Variants in CARD14 observed in about 807,000 individuals in gnomAD.
CARD14 encodes caspase recruitment domain-containing protein 14.
A neutral mutation model predicts 111.5 loss-of-function variants in CARD14; 107 were observed. That is an observed-to-expected ratio of 0.96 (90% CI 0.82 to 1.13). The LOEUF is 1.13. Among genes scored for constraint, CARD14 ranks in the 50% most tolerant of loss-of-function variants. The pLI is 0.00. For missense variants in CARD14, 1,322 were observed against 1,362.3 expected (o/e 0.97, Z 0.47); for synonymous variants, 617 against 579.6 (o/e 1.06, Z -0.93).
chr17:80,183,007 C>T (rs905826175), intron 6 of CARD14, among the ~76,000 whole-genome samples: 9 of 152,170 alleles, frequency 5.9e-5, no homozygotes, highest in African/African-American at 2.2e-4. Context: ...TCTGAAGGGT[C>T]GGTCCTTAGT....
rs530156168 is a variant in CARD14 at position 80,207,047 on chromosome 17, C to T, written c.2769C>T (p.Ile923=). 14 of 1,614,046 alleles carry T rather than the reference C, an allele frequency of 8.7e-6. No individual in the cohort carries two copies. Among genetic ancestry groups the T allele is most frequent in the Middle Eastern group, 1.7e-4 (1 of 6,060 alleles). ...GGATGGACATCTTCCCCATCGTCAT[C>T]CACGTCTCTGTCAACGAGAAGATGG... ...LHRMDIFPIV[I]HVSVNEKMAK... is the part of the protein sequence containing the mutation. Residue 923 remains isoleucine, a synonymous_variant, in exon 23 of 24, where the codon ATC becomes ATT. Coordinates refer to ENST00000648509, the MANE Select transcript of CARD14 (RefSeq NM_001366385.1).
At chr17:80,178,906 T>A (rs750175798) in intron 3 of CARD14, among the ~76,000 whole-genome samples, 198 bp from the exon 4 acceptor site, 2 of 152,158 alleles carry the variant, frequency 1.3e-5, no homozygotes, top group Non-Finnish European at 2.9e-5. Flanking sequence ...TCACCATGAC[T>A]GGCTAATTTT....
intron 1 of CARD14, among the ~76,000 whole-genome samples, chr17:80,172,036 C>T (rs996460729): frequency 1.3e-5 from 2 of 152,262 alleles, no homozygotes; most frequent in African/African-American, 2.4e-5. Flanking sequence ...CCAGAACTCC[C>T]AGGGTTTCAG....
In CARD14 at chr17:80,203,781, G is replaced by C. The variant is rs371746872; in HGVS notation, c.2220-41G>C. The stretch of plus-strand genomic sequence containing the variant: ...GGCTCTCCCCTGCCCTGCTCACCTG[G>C]CAGGAGGCAGCTGGGTCAGGGCCTC... On this transcript the variant is annotated intron_variant, in intron 18 of 23. Transcript: ENST00000648509. The surrounding 1 kb of genome is among the most constrained non-coding windows in gnomAD (Gnocchi z 4.6). The C allele has an allele frequency of 9.9e-5, 151 of 1,526,284 alleles. 1 individual carries two copies. Among genetic ancestry groups the C allele is most frequent in the Admixed American group, 9.4e-4 (47 of 50,114 alleles). The allele number at this position is 1,526,284 out of a possible 1,614,324, so 94.5% of individuals were successfully genotyped here.
intron 16 of CARD14, among the ~76,000 whole-genome samples, chr17:80,199,386 G>A (rs991524154): frequency 1.3e-5 from 2 of 151,338 alleles, no homozygotes; most frequent in Admixed American, 6.6e-5. Flanking sequence ...GGGTGACTTT[G>A]ATGTGGCCTA....
chr17:80,204,929 T>TGG, intron 20 of CARD14, 106 bp from the exon 21 acceptor site: 1 of 932,658 alleles, frequency 1.1e-6, no homozygotes, highest in African/African-American at 1.7e-5. Flanking sequence ...TTCTAGGTGC[T>TGG]GGGGCTGCTG....
In CARD14 at chr17:80,181,597, CGAG is replaced by C; in HGVS notation, c.167_169del (p.Glu56del). 2 of 1,559,908 alleles carry C rather than the reference CGAG, an allele frequency of 1.3e-6. No homozygotes were observed. Among genetic ancestry groups the C allele is most frequent in the Non-Finnish European group, 1.7e-6 (2 of 1,152,162 alleles). The stretch of plus-strand genomic sequence containing the variant: ...AGGCCAAGGTGCTGTGCCAGCTGGA[CGAG>C]GAGGAGGTGCTGCACAGCCCCCGGC... On this transcript the variant is annotated inframe_deletion, in exon 5 of 24. Coordinates refer to ENST00000648509, the MANE Select transcript of CARD14 (RefSeq NM_001366385.1).
At position 80,207,053 on chromosome 17, in the gene CARD14, C is replaced by T. The variant is rs372790630; in HGVS notation, c.2775C>T (p.Val925=). 858 of 1,614,014 alleles carry T rather than the reference C, an allele frequency of 5.3e-4. 10 individuals carry two copies. The South Asian group carries it at 8.6e-3, about 16-fold the overall frequency. ...RMDIFPIVIH[V]SVNEKMAKKL... is the part of the protein sequence containing the mutation. ...ACATCTTCCCCATCGTCATCCACGT[C>T]TCTGTCAACGAGAAGATGGCAAAGA... Residue 925 remains valine (V), a synonymous_variant, in exon 23 of 24, where the codon GTC becomes GTT. Transcript: ENST00000648509.
chr17:80,194,914 G>A (rs1363431347), intron 12 of CARD14, among the ~76,000 whole-genome samples: 3 of 152,168 alleles, frequency 2.0e-5, no homozygotes, highest in African/African-American at 4.8e-5. Context: ...TGGGACAGCA[G>A]TGCCACCTTA....
At chr17:80,172,298 T>G (rs1471848716) in intron 1 of CARD14, among the ~76,000 whole-genome samples, 1 of 152,208 alleles carries the variant, frequency 6.6e-6, no homozygotes, top group Non-Finnish European at 1.5e-5. Flanking sequence ...CCTATTGAAG[T>G]AGATGTTTCG....
chr17:80,204,123 G>C, intron 19 of CARD14, 104 bp from the exon 20 acceptor site: 8 of 1,135,358 alleles, frequency 7.0e-6, no homozygotes, highest in Non-Finnish European at 1.0e-5. Flanking sequence ...CTGCGCCTCT[G>C]CATCACTCCC....
rs778217550 is a variant in CARD14, at chr17:80,201,916, C to T, written c.1978+46C>T. 8.9e-6 allele frequency: 14 copies of T among 1,567,640 alleles called. No homozygotes were observed. In the East Asian group the frequency reaches 3.1e-4, roughly 35 times the overall value. ...GTGTGCACAGCTGCCTGGCCAGACT[C>T]CATGACCCTTAAGTCCCTGGTGGTT... On this transcript the variant is annotated intron_variant, in intron 17 of 23. Coordinates refer to ENST00000648509, the MANE Select transcript of CARD14 (RefSeq NM_001366385.1). This position sits in a 1 kb window ranked among gnomAD's most constrained non-coding sequence, Gnocchi z 5.0.
chr17:80,197,648 C>A, intron 14 of CARD14: 1 of 192,788 alleles, frequency 5.2e-6, no homozygotes, highest in Non-Finnish European at 1.1e-5. Context: ...CAGGTCCATG[C>A]AGAAATACAG....
At chr17:80,184,963 T>C (rs2040296526) in intron 7 of CARD14, among the ~76,000 whole-genome samples, 1 of 152,240 alleles carries the variant, frequency 6.6e-6, no homozygotes, top group South Asian at 2.1e-4. Context: ...TTGGGGAGGA[T>C]GATCTGACTG....
At chr17:80,180,675 T>C (rs1417890495) in intron 4 of CARD14, among the ~76,000 whole-genome samples, 1 of 152,020 alleles carries the variant, frequency 6.6e-6, no homozygotes, top group Non-Finnish European at 1.5e-5. Context: ...GTCTTGCTTC[T>C]AATGAAAATT....
In CARD14 at chr17:80,181,644, G is replaced by T. The variant is rs369726105; in HGVS notation, c.206G>T (p.Arg69Leu). Residue 69 changes from arginine to leucine, a missense_variant, in exon 5 of 24, where the codon CGG becomes CTG. Coordinates refer to ENST00000648509, the MANE Select transcript of CARD14 (RefSeq NM_001366385.1). ...HSPRLTNSAM[R>L]AGHLLDLLKT... ...CCCCGGCTCACCAACAGCGCCATGC[G>T]GGCCGGTGAGCGCAGCTCCCTCTTC... 6.5e-7 allele frequency: 1 copy of T among 1,546,248 alleles called. No individual in the cohort carries two copies. The highest frequency in any genetic ancestry group is 8.7e-7 in the Non-Finnish European group (1 of 1,146,384).
Position 80,188,727 on chromosome 17 carries a change from A to C in CARD14, c.843+183A>C. The C allele has an allele frequency of 2.0e-6, 1 of 512,060 alleles. No homozygotes were observed. The highest frequency in any genetic ancestry group is 3.0e-6 in the Non-Finnish European group (1 of 329,416). The allele number at this position is 512,060 out of a possible 1,614,324, so 31.7% of individuals were successfully genotyped here. On this transcript the variant is annotated intron_variant, in intron 8 of 23. Transcript: ENST00000648509. This position sits in a 1 kb window ranked among gnomAD's most constrained non-coding sequence, Gnocchi z 4.5. ...TTCCTGCTGTTCCCCAGACCCCAAA[A>C]TTGGCAGAATTAAAAGCTGCTGGAA...
rs2040660963 is a variant in CARD14 at position 80,195,077 on chromosome 17, G to A, written c.1357-114G>A. 13 of 1,361,716 alleles carry A rather than the reference G, an allele frequency of 9.5e-6. No individual in the cohort carries two copies. The highest frequency in any genetic ancestry group is 1.3e-5 in the Non-Finnish European group (13 of 1,009,422). The allele number at this position is 1,361,716 out of a possible 1,614,324, so 84.4% of individuals were successfully genotyped here. On this transcript the variant is annotated intron_variant, in intron 12 of 23. Transcript: ENST00000648509. This position sits in a 1 kb window ranked among gnomAD's most constrained non-coding sequence, Gnocchi z 4.7. ...CATGTGTGTCCTTCTTTCCCCTCCT[G>A]CCTCCTCTCCAGTCAGTTCTCACTG...
chr17:80,188,573 G>A lies in CARD14; in HGVS notation c.843+29G>A, dbSNP rs759203476. The A allele has an allele frequency of 2.1e-5, 30 of 1,436,370 alleles. No homozygotes were observed. Among genetic ancestry groups the A allele is most frequent in the East Asian group, 1.3e-4 (5 of 37,714 alleles). 89.0% of individuals were successfully genotyped at this position (1,436,370 alleles called of 1,614,324 possible). A position where few individuals can be genotyped will look rare whatever the true frequency, so the allele number is the denominator to read the frequency against. ...GGTTCCGGTCCCCGCAGCAGAGAGC[G>A]GCCTCCTGCCTTGGGGGCTTGGCCC... is the stretch of plus-strand genomic sequence containing the variant. On this transcript the variant is annotated intron_variant, in intron 8 of 23. Transcript: ENST00000648509. The surrounding 1 kb of genome is among the most constrained non-coding windows in gnomAD (Gnocchi z 4.5).
Sources: allele counts gnomAD v4.1 joint callset (sites outside exome capture counted in the v4.1 genomes callset), GRCh38; gene constraint gnomAD v4.1.1; non-coding constraint Gnocchi (gnomAD v3.1); transcripts MANE v1.5; gene names NCBI Gene and HGNC (gene_info 2026-07-23, HGNC 2026-07-21).